The following RPL34 variants were observed in gnomAD, a reference collection of about 807,000 sequenced individuals.
RPL34 encodes ribosomal protein L34, also known as large ribosomal subunit protein eL34.
A neutral mutation model predicts 16.3 loss-of-function variants in RPL34; 2 were observed. The ratio of observed to expected loss-of-function variants is 0.12; its 90% CI spans 0.05 to 0.39. The LOEUF is 0.39. RPL34 is among the 10% of genes least tolerant of loss of function. The pLI is 0.99. For synonymous variants in RPL34, 47 were observed against 48.5 expected (o/e 0.97, Z 0.13); for missense variants, 82 against 148.8 (o/e 0.55, Z 2.33).
At chr4:108,628,634 T>C (rs1026540496), downstream of RPL34, among the ~76,000 whole-genome samples, 8 of 152,182 alleles carry the variant, frequency 5.3e-5, no homozygotes, top group African/African-American at 1.9e-4. Context: ...TGGTGGGAAC[T>C]AGCAAGTTTC....
chr4:108,627,933 A>G (rs1338117485), downstream of RPL34, among the ~76,000 whole-genome samples: 1 of 152,114 alleles, frequency 6.6e-6, no homozygotes, highest in African/African-American at 2.4e-5. Flanking sequence ...AATTTGTTTT[A>G]GTCCTCCCAG....
At chr4:108,621,831 A>G (rs1725790842) in intron 1 of RPL34, 120 bp from the exon 2 acceptor site, 1 of 687,798 alleles carries the variant, frequency 1.5e-6, no homozygotes. Flanking sequence ...AATACATCTT[A>G]ATTTAAGGGT....
chr4:108,627,376 C>G (rs1726048435), downstream of RPL34, among the ~76,000 whole-genome samples: 4 of 152,004 alleles, frequency 2.6e-5, no homozygotes, highest in Admixed American at 2.6e-4. Flanking sequence ...TGGCAAGACC[C>G]TGCCTAAAAA....
At chr4:108,622,825 A>T (rs1005040769) in intron 4 of RPL34, 2 of 432,920 alleles carry the variant, frequency 4.6e-6, no homozygotes, top group East Asian at 3.7e-5. Flanking sequence ...AGATGTGGAG[A>T]TTAAAAGGAA....
rs370356742 is a variant in RPL34 at position 108,623,609 on chromosome 4, CTG to C, written c.269+995_269+996del. Among the ~76,000 whole-genome samples, 1,342 of 152,260 alleles carry C rather than the reference CTG, an allele frequency of 8.8e-3. 25 individuals are homozygous for C. The highest frequency in any genetic ancestry group is 0.031 in the African/African-American group (1,269 of 41,552). On this transcript the variant is annotated intron_variant, in intron 4 of 4. Transcript: ENST00000394667. Reference sequence around the variant, plus strand: ...TATTTTTAGTAGAGACAAGGTTTCACTGTGTTAGCCAGGATGGTCTCTATCTG... The same window carrying C: ...TATTTTTAGTAGAGACAAGGTTTCACTGTTAGCCAGGATGGTCTCTATCTG...
intron 4 of RPL34, among the ~76,000 whole-genome samples, chr4:108,624,005 G>A (rs1322906821): frequency 6.6e-6 from 1 of 152,204 alleles, no homozygotes; most frequent in Non-Finnish European, 1.5e-5. Context: ...TTGTGGGTGA[G>A]AAATGGAAGT....
At chr4:108,628,591 G>A (rs75169229), downstream of RPL34, among the ~76,000 whole-genome samples, 3,172 of 152,174 alleles carry the variant, frequency 0.021, 97 homozygotes, top group African/African-American at 0.065. Flanking sequence ...CTCCAAGTTA[G>A]GTAGAACAAC....
chr4:108,629,636 CAT>C (rs1726117199), downstream of RPL34, among the ~76,000 whole-genome samples: 1 of 152,176 alleles, frequency 6.6e-6, no homozygotes, highest in Non-Finnish European at 1.5e-5. Context: ...CCTAAAAAGA[CAT>C]GTGAATGTAG....
intron 4 of RPL34, among the ~76,000 whole-genome samples, chr4:108,623,564 C>T (rs1725871916): frequency 1.3e-5 from 2 of 152,092 alleles, no homozygotes; most frequent in African/African-American, 2.4e-5. Context: ...CACATGCCAC[C>T]ACACTTGACT....
At chr4:108,627,798 GTTGCACTGAGCCGAGA>G (rs1355674489), downstream of RPL34, among the ~76,000 whole-genome samples, 1 of 151,476 alleles carries the variant, frequency 6.6e-6, no homozygotes, top group Non-Finnish European at 1.5e-5. Context: ...TGAGGCAGAG[GTTGCACTGAGCCGAGA>G]TTGCACCACT....
rs191266325 is a variant in RPL34, at chr4:108,621,705, C to T, written c.-9-246C>T. The T allele has an allele frequency of 9.5e-6, 4 of 420,654 alleles. No homozygotes were observed. The East Asian group carries it at 1.8e-4, about 19-fold the overall frequency. 26.1% of individuals were successfully genotyped at this position (420,654 alleles called of 1,614,324 possible). On this transcript the variant is annotated intron_variant, in intron 1 of 4. Transcript: ENST00000394667. ...ACAAAATTAGACTCTGAGTAAGGAG[C>T]CTGGTCATCAGAACGTTAAGGAAGT...
At chr4:108,622,480 A>G in intron 3 of RPL34, 35 bp from the exon 4 acceptor site, 1 of 1,508,810 alleles carries the variant, frequency 6.6e-7, no homozygotes. Flanking sequence ...TTTCTGTTAA[A>G]GCATCACAAA....
intron 4 of RPL34, among the ~76,000 whole-genome samples, chr4:108,623,491 C>G (rs1046255241): frequency 6.6e-6 from 1 of 152,166 alleles, no homozygotes; most frequent in East Asian, 1.9e-4. Flanking sequence ...CTCACTGTAA[C>G]CTCCGCCTCC....
rs114737869 is a variant in RPL34 at position 108,622,204 on chromosome 4, G to T, written c.165G>T (p.Gly55=). The T allele has an allele frequency of 1.1e-4, 175 of 1,600,730 alleles. No homozygotes were observed. In the African/African-American group the frequency reaches 2.2e-3, roughly 20 times the overall value. The change falls in exon 3 of 5, where the codon GGG becomes GGT. Residue 55 remains glycine, a splice_region_variant and synonymous_variant. Coordinates refer to ENST00000394667, the MANE Select transcript of RPL34 (RefSeq NM_001319236.2). The part of the protein sequence containing the change: ...ACGVCPGRLR[G]VRAVRPKVLM... ...GTGTGTGCCCAGGCAGACTTCGAGG[G>T]GTAAGTGTACCTTTTACTGTGTGCA... is the stretch of plus-strand genomic sequence containing the variant.
exon 6 of RPL34, chr4:108,630,391 C>G (rs558559369): frequency 6.6e-6 from 1 of 152,012 alleles, no homozygotes; most frequent in Non-Finnish European, 1.5e-5. Flanking sequence ...TTTATAAAAT[C>G]CAAAATGAGC....
chr4:108,630,030 A>G (rs1233037750), downstream of RPL34: 1 of 152,208 alleles, frequency 6.6e-6, no homozygotes, highest in African/African-American at 2.4e-5. Context: ...GGTCCAATAG[A>G]AAAAGTTGGT....
chr4:108,628,817 CTTACTA>C (rs751836477), downstream of RPL34, among the ~76,000 whole-genome samples: 67 of 152,164 alleles, frequency 4.4e-4, no homozygotes, highest in Non-Finnish European at 8.4e-4. Context: ...AATTTCACTA[CTTACTA>C]TTATTATTAT....
downstream of RPL34, among the ~76,000 whole-genome samples, chr4:108,625,811 T>C (rs1725981584): frequency 6.6e-6 from 1 of 152,214 alleles, no homozygotes; most frequent in Non-Finnish European, 1.5e-5. Context: ...CAGGGTGGTT[T>C]GGGAGGAATG....
chr4:108,630,413 T>A (rs540999276), downstream of RPL34: 1 of 152,310 alleles, frequency 6.6e-6, no homozygotes, highest in Admixed American at 6.5e-5. Flanking sequence ...TTTTATTGAA[T>A]CCAGTTCTCT....
Sources: gnomAD v4.1 joint callset for allele counts (sites outside exome capture counted in the v4.1 genomes callset) on GRCh38, gnomAD v4.1.1 for gene constraint, MANE v1.5 for transcripts, NCBI Gene and HGNC (gene_info 2026-07-23, HGNC 2026-07-21) for gene names.